Variants in LRRIQ1 observed in about 807,000 individuals in gnomAD.
LRRIQ1 encodes leucine rich repeats and IQ motif containing 1, also known as leucine-rich repeat- and IQ domain-containing protein 1.
In LRRIQ1, 210 loss-of-function variants were observed where a neutral mutation model predicts 211.9. The ratio of observed to expected loss-of-function variants is 0.99; its 90% confidence interval spans 0.89 to 1.11. The LOEUF is 1.11. Among genes scored for constraint, LRRIQ1 ranks in the 50% most tolerant of loss-of-function variants. The probability of loss-of-function intolerance (pLI) is 0.00; values close to 1 mark genes in which losing one functional copy is unlikely to be tolerated. For missense variants in LRRIQ1, 2,136 were observed against 1,939.5 expected (o/e 1.10, Z -1.90); for synonymous variants, 699 against 650.1 (o/e 1.08, Z -1.14).
At chr12:85,269,683 C>G in the LRRIQ1 span, among the ~76,000 whole-genome samples, 2 of 151,874 alleles carry the variant, frequency 1.3e-5, no homozygotes, top group African/African-American at 2.4e-5. Flanking sequence ...TTCCTTGAGG[C>G]CTTCAGGAGC....
chr12:85,059,351 C>T (rs1881509337), intron 8 of LRRIQ1, among the ~76,000 whole-genome samples: 1 of 152,054 alleles, frequency 6.6e-6, no homozygotes, highest in African/African-American at 2.4e-5. Flanking sequence ...CCTCAAGTTA[C>T]AATGAAGTTA....
chr12:85,074,405 G>A (rs1455166356), intron 11 of LRRIQ1, among the ~76,000 whole-genome samples: 1 of 151,834 alleles, frequency 6.6e-6, no homozygotes, highest in African/African-American at 2.4e-5. Context: ...ATGGAAAATG[G>A]GGTATCTATC....
chr12:85,212,484 A>C (rs1016649297), intron 24 of LRRIQ1, among the ~76,000 whole-genome samples: 2 of 152,060 alleles, frequency 1.3e-5, no homozygotes, highest in Admixed American at 1.3e-4. Context: ...AGAATATAGA[A>C]AAATTAACTA....
At chr12:85,120,852 C>T (rs78491851) in intron 15 of LRRIQ1, among the ~76,000 whole-genome samples, 1,808 of 152,288 alleles carry the variant, frequency 0.012, 14 homozygotes, top group Middle Eastern at 0.027. Context: ...AGAAGGGTTT[C>T]GGCTAGTAGT....
Position 85,055,674 on chromosome 12 carries a change from A to G in LRRIQ1, c.881A>G (p.Tyr294Cys), listed in dbSNP as rs755116636. 3.1e-6 allele frequency: 5 copies of G among 1,606,078 alleles called. No homozygotes were observed. The highest frequency in any genetic ancestry group is 4.2e-6 in the Non-Finnish European group (5 of 1,177,746). Residue 294 changes from tyrosine to cysteine, a missense_variant, in exon 8 of 27, where the codon TAT (tyrosine) becomes TGT (cysteine). Tyr to Cys is a radical substitution (Grantham distance 194). Coordinates refer to ENST00000393217, the MANE Select transcript of LRRIQ1 (RefSeq NM_001079910.2). ...GCAGCTGTTAAAATTCAAGCTAAATATAAAGCATTTGTTGCCTATCAAAAA... is the reference window on the plus strand; with the variant it reads ...GCAGCTGTTAAAATTCAAGCTAAATGTAAAGCATTTGTTGCCTATCAAAAA... ...NNAAVKIQAK[Y>C]KAFVAYQKYG...
intron 24 of LRRIQ1, among the ~76,000 whole-genome samples, chr12:85,189,114 C>A (rs1367757786): frequency 2.0e-5 from 3 of 152,070 alleles, no homozygotes; most frequent in African/African-American, 7.2e-5. Flanking sequence ...AAAACATAAA[C>A]AGTTAGCTAA....
intron 24 of LRRIQ1, among the ~76,000 whole-genome samples, chr12:85,212,801 A>T (rs1035962886): frequency 6.7e-6 from 1 of 149,194 alleles, no homozygotes; most frequent in Non-Finnish European, 1.5e-5. Context: ...GAGAGAGAGA[A>T]AGAGAGAGAG....
intron 26 of LRRIQ1, among the ~76,000 whole-genome samples, chr12:85,241,775 G>T (rs1386455469): frequency 2.0e-5 from 3 of 151,840 alleles, no homozygotes; most frequent in African/African-American, 7.2e-5. Flanking sequence ...TATGTGTGCT[G>T]TTTTGTATAT....
chr12:85,072,392 T>G (rs1883182300), intron 10 of LRRIQ1, among the ~76,000 whole-genome samples: 1 of 151,994 alleles, frequency 6.6e-6, no homozygotes, highest in Non-Finnish European at 1.5e-5. Context: ...GAGGCAGGGT[T>G]TTTTATTATT....
intron 1 of LRRIQ1, among the ~76,000 whole-genome samples, chr12:85,256,724 G>A (rs1565931094): frequency 6.6e-6 from 1 of 151,320 alleles, no homozygotes; most frequent in South Asian, 2.1e-4. Flanking sequence ...CAGTATGACA[G>A]TTTCTAACAT....
In LRRIQ1 at chr12:85,258,167, TACTC is replaced by T. The variant is rs1286818072; in HGVS notation, c.122-4745_122-4742del. On this transcript the variant is annotated intron_variant, in intron 1 of 1. Transcript: ENST00000602731. ...AATATACACAGACAAAAAAATGTGT[TACTC>T]ACATGTTTTTTTTTAAAACATTTTG... Among the ~76,000 whole-genome samples, 5 of 151,856 alleles carry T rather than the reference TACTC, an allele frequency of 3.3e-5. No individual in the cohort carries two copies. In the East Asian group the frequency reaches 9.6e-4, roughly 29 times the overall value.
At chr12:85,099,977 G>T (rs1227630067) in intron 13 of LRRIQ1, among the ~76,000 whole-genome samples, 1 of 151,760 alleles carries the variant, frequency 6.6e-6, no homozygotes, top group Non-Finnish European at 1.5e-5. Flanking sequence ...AAGGACATTT[G>T]TTCCCAGAGC....
At chr12:85,256,186 G>A (rs11116761) in intron 1 of LRRIQ1, among the ~76,000 whole-genome samples, 31,317 of 151,470 alleles carry the variant, frequency 0.21, 8,169 homozygotes, top group African/African-American at 0.62. Flanking sequence ...TCTGTATTTT[G>A]TAAGAGAACT....
At chr12:85,199,884 A>G (rs942792549) in intron 24 of LRRIQ1, among the ~76,000 whole-genome samples, 3 of 152,110 alleles carry the variant, frequency 2.0e-5, no homozygotes, top group Admixed American at 6.6e-5. Flanking sequence ...CACAGCCAAA[A>G]CATACCAGTC....
At chr12:85,174,056 A>G (rs1433483415) in intron 24 of LRRIQ1, among the ~76,000 whole-genome samples, 2 of 152,132 alleles carry the variant, frequency 1.3e-5, no homozygotes, top group Non-Finnish European at 2.9e-5. Context: ...GAAGCAAATG[A>G]CGATCATTAA....
intron 1 of LRRIQ1, among the ~76,000 whole-genome samples, chr12:85,259,461 T>A (rs1896222047): frequency 6.6e-6 from 1 of 152,052 alleles, no homozygotes; most frequent in Non-Finnish European, 1.5e-5. Flanking sequence ...CTCTCAGAGA[T>A]GTGTTATTTT....
At chr12:85,267,193 C>T (rs1896438602), downstream of LRRIQ1, among the ~76,000 whole-genome samples, 1 of 152,004 alleles carries the variant, frequency 6.6e-6, no homozygotes, top group South Asian at 2.1e-4. Flanking sequence ...TCAGCATTGT[C>T]CAATGTAAGT....
rs561481213 is a variant in LRRIQ1, at chr12:85,198,083, TTATTA to T, written c.4823-31425_4823-31421del. Among the ~76,000 whole-genome samples, 1,922 of 110,230 alleles carry T rather than the reference TTATTA, an allele frequency of 0.017. 133 individuals are homozygous for T. In the East Asian group the frequency reaches 0.2, roughly 12 times the overall value. 72.3% of individuals were successfully genotyped at this position (110,230 alleles called of 152,430 possible). ...ATATAACATATTATTTATATATAATTTATTATATTATATATTATATTATTTATATA... is the reference window on the plus strand; with the variant it reads ...ATATAACATATTATTTATATATAATTTATTATATATTATATTATTTATATA... On this transcript the variant is annotated intron_variant, in intron 24 of 26. Coordinates refer to ENST00000393217, the MANE Select transcript of LRRIQ1 (RefSeq NM_001079910.2).
chr12:85,134,045 G>T (rs931658599), intron 18 of LRRIQ1, among the ~76,000 whole-genome samples: 6 of 152,098 alleles, frequency 3.9e-5, no homozygotes, highest in Non-Finnish European at 8.8e-5. Flanking sequence ...AGCAGTAGAA[G>T]CTATAGCACA....
Sources: allele counts gnomAD v4.1 joint callset (sites outside exome capture counted in the v4.1 genomes callset), GRCh38; gene constraint gnomAD v4.1.1; transcripts MANE v1.5; gene names NCBI Gene and HGNC (gene_info 2026-07-23, HGNC 2026-07-21).